CEACAM1: variants seen among roughly 807,000 people sequenced by gnomAD.
The protein encoded by CEACAM1 is CEA cell adhesion molecule 1.
CEACAM1 carries 31 observed loss-of-function variants against 49.1 expected under a neutral mutation model. The observed-to-expected ratio is 0.63, with a 90% CI of 0.47 to 0.85. The LOEUF (loss-of-function observed/expected upper bound fraction) is 0.85, where lower values mean the gene tolerates loss of function less well. Among genes scored for constraint, CEACAM1 ranks in the 40% least tolerant of loss-of-function variants. The probability of loss-of-function intolerance (pLI) is 0.00; values close to 1 mark genes in which losing one functional copy is unlikely to be tolerated. For missense variants in CEACAM1, 570 were observed against 645.3 expected, an observed-to-expected ratio of 0.88 and a Z score of 1.26; for synonymous variants, 244 against 247.8, an observed-to-expected ratio of 0.98 and a Z score of 0.14.
chr19:42,513,800 G>C (rs1260115055), intron 5 of CEACAM1, among the ~76,000 whole-genome samples: 2 of 144,338 alleles, frequency 1.4e-5, no homozygotes, highest in Non-Finnish European at 3.0e-5. Context: ...AACATACCAG[G>C]CTTGAGACTT....
At chr19:42,521,203 C>G in intron 4 of CEACAM1, 64 bp downstream of exon 4, 1 of 1,575,952 alleles carries the variant, frequency 6.3e-7, no homozygotes, top group East Asian at 2.2e-5. Context: ...CTTCTCTGCT[C>G]CTATTTGAAA....
chr19:42,518,736 G>A (rs932615373), intron 5 of CEACAM1: 8 of 580,796 alleles, frequency 1.4e-5, no homozygotes, highest in East Asian at 9.0e-5. Context: ...TCCTGCCCTC[G>A]TGATCCGCCC....
chr19:42,511,434 G>A, intron 7 of CEACAM1, 142 bp downstream of exon 7: 1 of 723,596 alleles, frequency 1.4e-6, no homozygotes, highest in South Asian at 1.7e-5. Context: ...GAAGACCTAT[G>A]CCACCTTAGG....
intron 4 of CEACAM1, chr19:42,519,554 A>G (rs888932560): frequency 1.7e-5 from 4 of 239,728 alleles, no homozygotes; most frequent in African/African-American, 9.4e-5. Context: ...ATCAGGTAGA[A>G]TGTTTTTCCC....
intron 5 of CEACAM1, 40 bp from the exon 6 acceptor site, chr19:42,512,519 A>G (rs1164065137): frequency 6.3e-7 from 1 of 1,588,706 alleles, no homozygotes; most frequent in Admixed American, 1.7e-5. Flanking sequence ...TGAAAGTGAA[A>G]TTATTTTACA....
chr19:42,521,173 C>T, intron 4 of CEACAM1, 94 bp downstream of exon 4: 1 of 1,419,594 alleles, frequency 7.0e-7, no homozygotes, highest in Non-Finnish European at 9.8e-7. Flanking sequence ...CTGTTGGATA[C>T]AGGCTGCAAA....
Position 42,527,502 on chromosome 19 carries a change from G to GGA in CEACAM1, c.65-104_65-103dup, listed in dbSNP as rs955195119. On this transcript the variant is annotated intron_variant, in intron 1 of 8. Transcript: ENST00000161559. Reference sequence around the variant, plus strand: ...GCAGGTGTCTTCACCCCTCCACCTTGGAGTGTGTGTGTGTGTGTGTGTGTG... The same window carrying GGA: ...GCAGGTGTCTTCACCCCTCCACCTTGGAGAGTGTGTGTGTGTGTGTGTGTGTG... The GGA allele has an allele frequency of 9.4e-5, 97 of 1,033,052 alleles. No individual in the cohort carries two copies. In the South Asian group the frequency reaches 1.3e-3, roughly 13 times the overall value. The allele number at this position is 1,033,052 out of a possible 1,614,324, so 64.0% of individuals were successfully genotyped here.
Position 42,522,162 on chromosome 19 carries a change from G to T in CEACAM1, c.465C>A (p.Asn155Lys). Reference protein sequence around the residue: ...PKPSISSNNSNPVEDKDAVAF... With the variant: ...PKPSISSNNSKPVEDKDAVAF... ...CCACAGCATCCTTGTCCTCCACAGG[G>T]TTGGAGTTGTTGCTGGAGATGGAGG... The change falls in exon 3 of 9, where the codon AAC (asparagine) becomes AAA (lysine). Residue 155 changes from asparagine (N) to lysine (K), a missense_variant. By Grantham distance (94) the Asn-to-Lys change is moderately conservative (BLOSUM62 0). Coordinates refer to ENST00000161559, the MANE Select transcript of CEACAM1 (RefSeq NM_001712.5). The T allele has an allele frequency of 6.2e-7, 1 of 1,614,256 alleles. No homozygotes were observed. The highest frequency in any genetic ancestry group is 8.5e-7 in the Non-Finnish European group (1 of 1,180,052).
At chr19:42,509,367 C>G in intron 8 of CEACAM1, 139 bp from the exon 9 acceptor site, 1 of 920,782 alleles carries the variant, frequency 1.1e-6, no homozygotes, top group Non-Finnish European at 1.6e-6. Flanking sequence ...TACCCATTCT[C>G]TGCTTGCTGA....
At position 42,515,670 on chromosome 19, in the gene CEACAM1, A is replaced by T. The variant is rs2041582847; in HGVS notation, c.1247-3191T>A. Among the ~76,000 whole-genome samples, 3 of 152,204 alleles carry T rather than the reference A, an allele frequency of 2.0e-5. No individual in the cohort carries two copies. In the South Asian group the frequency reaches 6.2e-4, roughly 31 times the overall value. ...TGAGAACCTGTCTCAAACCGAAAAA[A>T]AAAAGTTGTTCTTCAAAAAAGATCA... On this transcript the variant is annotated intron_variant, in intron 5 of 8. Transcript: ENST00000161559.
intron 2 of CEACAM1, among the ~76,000 whole-genome samples, chr19:42,525,047 G>A (rs1389985736): frequency 1.3e-5 from 2 of 152,178 alleles, no homozygotes; most frequent in South Asian, 2.1e-4. Flanking sequence ...ATTCATTCGT[G>A]AGAGAACTAC....
Position 42,512,347 on chromosome 19 carries a change from T to C in CEACAM1, c.1376+3A>G. The stretch of plus-strand genomic sequence containing the variant: ...AACAGAACAAGAGGAAAGGCCATCA[T>C]ACCTGCCGGTCTTCCCGAAATGCAG... On this transcript the variant is annotated splice_donor_region_variant and intron_variant, in intron 6 of 8. Coordinates refer to ENST00000161559, the MANE Select transcript of CEACAM1 (RefSeq NM_001712.5). 4 of 1,613,986 alleles carry C rather than the reference T, an allele frequency of 2.5e-6. No homozygotes were observed. Among genetic ancestry groups the C allele is most frequent in the Non-Finnish European group, 3.4e-6 (4 of 1,179,870 alleles).
Position 42,527,384 on chromosome 19 carries a change from G to A in CEACAM1, c.81C>T (p.Phe27=). 6.2e-7 allele frequency: 1 copy of A among 1,602,704 alleles called. No individual in the cohort carries two copies. The highest frequency in any genetic ancestry group is 8.5e-7 in the Non-Finnish European group (1 of 1,173,906). Residue 27 remains phenylalanine (F), a synonymous_variant, in exon 2 of 9, where the codon TTC becomes TTT. Coordinates refer to ENST00000161559, the MANE Select transcript of CEACAM1 (RefSeq NM_001712.5). The part of the protein sequence containing the change: ...GLLLTASLLT[F]WNPPTTAQLT... The stretch of plus-strand genomic sequence containing the variant: ...GCTGGGCAGTGGTGGGCGGGTTCCA[G>A]AAGGTTAGAAGTGAGGCTAGGAGAG...
intron 5 of CEACAM1, chr19:42,515,066 CGAGTCCAG>C (rs2041565643): frequency 3.0e-6 from 2 of 667,146 alleles, no homozygotes; most frequent in Admixed American, 2.2e-5. Context: ...CCCAGGAGTT[CGAGTCCAG>C]CCTGGGTAAC....
At chr19:42,509,783 C>A (rs566014593) in intron 8 of CEACAM1, among the ~76,000 whole-genome samples, 2 of 152,046 alleles carry the variant, frequency 1.3e-5, no homozygotes, top group Non-Finnish European at 2.9e-5. Context: ...TCCACTACCA[C>A]GCCCGGCTAA....
chr19:42,528,453 C>T lies in CEACAM1; in HGVS notation c.-79G>A. On this transcript the variant is annotated 5_prime_UTR_variant, in exon 1 of 9. Transcript: ENST00000161559. ...AACGCTTCGAGCACGGCTGCTCTGT[C>T]ACCTCTGCTGTTTTCCACTCTCTGT... 1 of 1,399,770 alleles carries T rather than the reference C, an allele frequency of 7.1e-7. No individual in the cohort carries two copies. The highest frequency in any genetic ancestry group is 1.0e-6 in the Non-Finnish European group (1 of 990,432). The allele number at this position is 1,399,770 out of a possible 1,614,324, so 86.7% of individuals were successfully genotyped here. A position where few individuals can be genotyped will look rare whatever the true frequency, so the allele number is the denominator to read the frequency against.
Position 42,510,987 on chromosome 19 carries a change from G to A in CEACAM1, c.1430-67C>T. 2.7e-6 allele frequency: 4 copies of A among 1,467,792 alleles called. No individual in the cohort carries two copies. In the Admixed American group the frequency reaches 5.0e-5, roughly 18 times the overall value. The allele number at this position is 1,467,792 out of a possible 1,614,324, so 90.9% of individuals were successfully genotyped here. A position where few individuals can be genotyped will look rare whatever the true frequency, so the allele number is the denominator to read the frequency against. ...AAGCTGACTTCAGGTGATTCTAGCT[G>A]AAGGAGGTGGCAGTTGGAGGGTGGG... On this transcript the variant is annotated intron_variant, in intron 7 of 8. Transcript: ENST00000161559.
chr19:42,515,956 G>T (rs758321684), intron 5 of CEACAM1, among the ~76,000 whole-genome samples: 1 of 151,960 alleles, frequency 6.6e-6, no homozygotes. Context: ...AAAATGAGTC[G>T]ATAAAAGCAT....
At chr19:42,522,469 C>CA (rs1362881574) in intron 2 of CEACAM1, among the ~76,000 whole-genome samples, 11 of 151,994 alleles carry the variant, frequency 7.2e-5, no homozygotes, top group Admixed American at 1.3e-4. Context: ...AGGCTGGTCT[C>CA]AAACTCCTGA....
Sources: gnomAD v4.1 joint callset for allele counts (sites outside exome capture counted in the v4.1 genomes callset) on GRCh38, gnomAD v4.1.1 for gene constraint, MANE v1.5 for transcripts, NCBI Gene and HGNC (gene_info 2026-07-23, HGNC 2026-07-21) for gene names.